The following FTCDNL1 variants were observed in gnomAD, a reference collection of about 807,000 sequenced individuals.
The protein encoded by FTCDNL1 is formiminotransferase N-terminal subdomain-containing protein.
A neutral mutation model predicts 5.9 loss-of-function variants in FTCDNL1; 11 were observed. The observed-to-expected ratio is 1.87, with a 90% confidence interval of 1.18 to 3.10. The LOEUF (loss-of-function observed/expected upper bound fraction) is 3.10, where lower values mean the gene tolerates loss of function less well. FTCDNL1 is among the 30% of genes most tolerant of loss of function. FTCDNL1 has a pLI of 0.00. For missense variants in FTCDNL1, 115 were observed against 65.5 expected (o/e 1.76, Z -2.61); for synonymous variants, 58 against 24.8 (o/e 2.34, Z -3.99).
chr2:199,766,008 C>G (rs1224013047), intron 3 of FTCDNL1, among the ~76,000 whole-genome samples: 1 of 152,116 alleles, frequency 6.6e-6, no homozygotes, highest in Non-Finnish European at 1.5e-5. Flanking sequence ...GGCAATAAGT[C>G]TTTTCTTAAA....
At chr2:199,726,708 A>T in the FTCDNL1 span, among the ~76,000 whole-genome samples, 1 of 152,106 alleles carries the variant, frequency 6.6e-6, no homozygotes, top group Non-Finnish European at 1.5e-5. Context: ...GAGCCTATTC[A>T]CCTGGGCCCC....
At chr2:199,823,905 T>C (rs1309458721) in intron 3 of FTCDNL1, among the ~76,000 whole-genome samples, 1 of 152,256 alleles carries the variant, frequency 6.6e-6, no homozygotes, top group Admixed American at 6.5e-5. Flanking sequence ...ATGAAACTCC[T>C]AGATGGCCTC....
chr2:199,824,791 G>C (rs1452898051), intron 3 of FTCDNL1, among the ~76,000 whole-genome samples: 3 of 152,178 alleles, frequency 2.0e-5, no homozygotes, highest in Non-Finnish European at 4.4e-5. Context: ...TTATGTGGTT[G>C]TGATTCGTGG....
At chr2:199,783,935 A>G (rs1163776998) in intron 3 of FTCDNL1, among the ~76,000 whole-genome samples, 1 of 152,122 alleles carries the variant, frequency 6.6e-6, no homozygotes, top group Non-Finnish European at 1.5e-5. Context: ...GAGACTTCAG[A>G]GGAATTTGGG....
At chr2:199,677,220 G>A in the FTCDNL1 span, among the ~76,000 whole-genome samples, 3 of 152,214 alleles carry the variant, frequency 2.0e-5, no homozygotes, top group South Asian at 6.2e-4. Flanking sequence ...TTTCCCTAAG[G>A]CCAAAACCTA....
intron 3 of FTCDNL1, among the ~76,000 whole-genome samples, chr2:199,767,747 C>T (rs1698604423): frequency 6.6e-6 from 1 of 152,158 alleles, no homozygotes; most frequent in Non-Finnish European, 1.5e-5. Context: ...AAGCAGAGAG[C>T]AAGTCCTCAC....
chr2:199,750,081 C>A, the FTCDNL1 span, among the ~76,000 whole-genome samples: 1 of 151,492 alleles, frequency 6.6e-6, no homozygotes, highest in African/African-American at 2.4e-5. Context: ...AGGCTGAGTG[C>A]AGTGGCTCAC....
chr2:199,779,423 C>A (rs958893861), intron 3 of FTCDNL1, among the ~76,000 whole-genome samples: 1 of 152,190 alleles, frequency 6.6e-6, no homozygotes, highest in Non-Finnish European at 1.5e-5. Context: ...CAAGTTATCT[C>A]AAAAGCAAAT....
At chr2:199,768,680 G>A (rs1357850629) in intron 3 of FTCDNL1, among the ~76,000 whole-genome samples, 14 of 152,164 alleles carry the variant, frequency 9.2e-5, no homozygotes, top group Admixed American at 9.2e-4. Flanking sequence ...CCAAGAGAAG[G>A]CAAGTTCTAG....
At chr2:199,841,597 T>G (rs890038125) in intron 3 of FTCDNL1, among the ~76,000 whole-genome samples, 1 of 152,112 alleles carries the variant, frequency 6.6e-6, no homozygotes, top group Non-Finnish European at 1.5e-5. Context: ...GATGAATCAT[T>G]TAGAACATTA....
At chr2:199,699,510 T>A in the FTCDNL1 span, among the ~76,000 whole-genome samples, 1 of 151,290 alleles carries the variant, frequency 6.6e-6, no homozygotes, top group East Asian at 2.0e-4. Context: ...TTCCAAAACA[T>A]CAAGGAGGAG....
At chr2:199,672,751 T>C in the FTCDNL1 span, among the ~76,000 whole-genome samples, 2 of 151,950 alleles carry the variant, frequency 1.3e-5, no homozygotes, top group Non-Finnish European at 2.9e-5. Flanking sequence ...CTCTAGGATA[T>C]CTGGACTTCT....
downstream of FTCDNL1, among the ~76,000 whole-genome samples, chr2:199,760,053 G>A (rs1044421219): frequency 1.3e-5 from 2 of 152,020 alleles, no homozygotes; most frequent in Admixed American, 6.6e-5. Context: ...CTTCAATATC[G>A]TATATCACCT....
intron 3 of FTCDNL1, among the ~76,000 whole-genome samples, chr2:199,771,280 C>T (rs565872316): frequency 2.0e-5 from 3 of 152,240 alleles, no homozygotes; most frequent in East Asian, 1.9e-4. Flanking sequence ...CCCAGAACAT[C>T]GCCATGTGGG....
chr2:199,776,998 GT>G, intron 3 of FTCDNL1, among the ~76,000 whole-genome samples: 1 of 145,866 alleles, frequency 6.9e-6, no homozygotes, highest in East Asian at 2.2e-4. Context: ...GTGTGTGTGT[GT>G]GTGTGTATTG....
chr2:199,806,115 G>A (rs1700712093), downstream of FTCDNL1, among the ~76,000 whole-genome samples: 1 of 152,168 alleles, frequency 6.6e-6, no homozygotes, highest in African/African-American at 2.4e-5. Flanking sequence ...AAGGCAGTCT[G>A]AGTTCAACCA....
intron 3 of FTCDNL1, among the ~76,000 whole-genome samples, chr2:199,789,598 A>C (rs1699823211): frequency 6.6e-6 from 1 of 152,288 alleles, no homozygotes; most frequent in East Asian, 1.9e-4. Flanking sequence ...ATTACTATTT[A>C]ATATTATCTC....
downstream of FTCDNL1, among the ~76,000 whole-genome samples, chr2:199,806,209 T>C (rs1343503775): frequency 3.9e-5 from 6 of 152,170 alleles, no homozygotes; most frequent in African/African-American, 1.4e-4. Context: ...GTTTTATCTA[T>C]GAAAAATGGG....
At chr2:199,820,391 G>T (rs1345764925) in intron 3 of FTCDNL1, among the ~76,000 whole-genome samples, 5 of 152,068 alleles carry the variant, frequency 3.3e-5, no homozygotes, top group African/African-American at 1.2e-4. Context: ...ATAGAGTGAA[G>T]CCAGGAGTTT....
Sources: gnomAD v4.1 joint callset for allele counts (sites outside exome capture counted in the v4.1 genomes callset) on GRCh38, gnomAD v4.1.1 for gene constraint, MANE v1.5 for transcripts, NCBI Gene and HGNC (gene_info 2026-07-23, HGNC 2026-07-21) for gene names.